SUPT3H: variants seen among roughly 807,000 people sequenced by gnomAD.
SUPT3H encodes transcription initiation protein SPT3 homolog.
SUPT3H carries 44 observed loss-of-function variants against 44.3 expected under a neutral mutation model. That is an observed-to-expected ratio of 0.99 (90% CI 0.78 to 1.28). SUPT3H has a LOEUF of 1.28. Ranked by LOEUF, SUPT3H falls within the 50% of genes most tolerant of loss-of-function variation. The pLI, the probability that SUPT3H is intolerant of heterozygous loss-of-function variation, is 0.00. For missense variants in SUPT3H, 380 were observed against 387.1 expected, an observed-to-expected ratio of 0.98 and a Z score of 0.15; for synonymous variants, 124 against 125.6, an observed-to-expected ratio of 0.99 and a Z score of 0.09.
At chr6:45,288,030 T>C (rs570516773) in intron 2 of SUPT3H, among the ~76,000 whole-genome samples, 1 of 152,218 alleles carries the variant, frequency 6.6e-6, no homozygotes, top group Non-Finnish European at 1.5e-5. Context: ...CAGCCATTCA[T>C]GTATTTTATG....
At position 45,003,451 on chromosome 6, in the gene SUPT3H, G is replaced by T. The variant is rs146993274; in HGVS notation, c.504+202C>A. On this transcript the variant is annotated intron_variant, in intron 6 of 10. Coordinates refer to ENST00000371459, the MANE Select transcript of SUPT3H (RefSeq NM_003599.4). ...ACGGGAAATAAGGAAACAGAAAACA[G>T]AAGTTGTTTCCCAAAGTTGATGCTG... Among the ~76,000 whole-genome samples the T allele has an allele frequency of 5.3e-5, 8 of 152,240 alleles. No individual in the cohort carries two copies. In the East Asian group the frequency reaches 1.5e-3, roughly 29 times the overall value.
At chr6:45,040,786 G>A (rs1788412817) in intron 3 of SUPT3H, among the ~76,000 whole-genome samples, 1 of 152,096 alleles carries the variant, frequency 6.6e-6, no homozygotes, top group Non-Finnish European at 1.5e-5. Context: ...CGGAAATTCA[G>A]ACAACAAACC....
chr6:44,960,965 T>C (rs1366031505), intron 7 of SUPT3H, among the ~76,000 whole-genome samples: 1 of 152,208 alleles, frequency 6.6e-6, no homozygotes, highest in East Asian at 1.9e-4. Context: ...GACCACATAA[T>C]AGCTTTCCAT....
At chr6:44,988,295 C>T (rs1373093178) in intron 6 of SUPT3H, among the ~76,000 whole-genome samples, 3 of 151,880 alleles carry the variant, frequency 2.0e-5, no homozygotes, top group East Asian at 3.9e-4. Context: ...AAAGCCACTA[C>T]ATATCAATGT....
chr6:45,286,022 C>T (rs1253421492), intron 2 of SUPT3H, among the ~76,000 whole-genome samples: 1 of 138,580 alleles, frequency 7.2e-6, no homozygotes. Flanking sequence ...ATAAATGGTG[C>T]TGGGAAAACT....
chr6:44,955,865 A>C (rs1324230820), intron 7 of SUPT3H, among the ~76,000 whole-genome samples: 2 of 152,186 alleles, frequency 1.3e-5, no homozygotes, highest in Admixed American at 6.5e-5. Flanking sequence ...TCACGCCTGT[A>C]ATCCCAGCAC....
At chr6:45,340,881 A>G (rs980415964) in intron 2 of SUPT3H, among the ~76,000 whole-genome samples, 2 of 152,064 alleles carry the variant, frequency 1.3e-5, no homozygotes, top group South Asian at 2.1e-4. Context: ...CCTACTTCCT[A>G]TATTTATCTG....
At chr6:45,211,822 CTGGCG>C (rs1764136508) in intron 2 of SUPT3H, among the ~76,000 whole-genome samples, 1 of 151,282 alleles carries the variant, frequency 6.6e-6, no homozygotes. Flanking sequence ...GCACTCCAGC[CTGGCG>C]ACACAGCAAG....
At chr6:45,061,436 C>T (rs1286487504) in intron 3 of SUPT3H, among the ~76,000 whole-genome samples, 3 of 151,916 alleles carry the variant, frequency 2.0e-5, no homozygotes, top group Admixed American at 6.6e-5. Context: ...ACACATGGGG[C>T]CTTTTAGAGG....
chr6:45,277,231 T>A (rs144122021), intron 2 of SUPT3H, among the ~76,000 whole-genome samples: 31 of 152,342 alleles, frequency 2.0e-4, no homozygotes, highest in African/African-American at 7.5e-4. Flanking sequence ...TACTTTTCTC[T>A]ATTAGAAGTG....
chr6:45,335,876 T>C (rs942490360), intron 2 of SUPT3H, among the ~76,000 whole-genome samples: 1 of 151,268 alleles, frequency 6.6e-6, no homozygotes, highest in Non-Finnish European at 1.5e-5. Flanking sequence ...ATTCAGCTTT[T>C]GACAAAATGC....
chr6:45,318,995 T>TA (rs1192236255), intron 2 of SUPT3H, among the ~76,000 whole-genome samples: 9 of 152,128 alleles, frequency 5.9e-5, no homozygotes, highest in Non-Finnish European at 1.0e-4. Context: ...CAGTCTTTCA[T>TA]AAAAAAGTAT....
intron 6 of SUPT3H, among the ~76,000 whole-genome samples, chr6:44,964,806 G>A (rs1287975072): frequency 6.6e-6 from 1 of 152,102 alleles, no homozygotes. Flanking sequence ...TGACTCAACA[G>A]CAAAGACTTA....
At position 44,967,317 on chromosome 6, in the gene SUPT3H, G is replaced by C. The variant is rs117356070; in HGVS notation, c.505-5489C>G. Among the ~76,000 whole-genome samples, 289 of 152,296 alleles carry C rather than the reference G, an allele frequency of 1.9e-3. 11 individuals carry two copies. In the East Asian group the frequency reaches 0.052, roughly 27 times the overall value. The stretch of plus-strand genomic sequence containing the variant: ...TTGTTATTGTAAAACATACAGAGAA[G>C]GCAGACTTTTATGCTAGATGAACTC... On this transcript the variant is annotated intron_variant, in intron 6 of 10. Coordinates refer to ENST00000371459, the MANE Select transcript of SUPT3H (RefSeq NM_003599.4).
intron 6 of SUPT3H, among the ~76,000 whole-genome samples, chr6:44,996,279 A>G (rs1010818583): frequency 1.3e-5 from 2 of 151,994 alleles, no homozygotes; most frequent in East Asian, 3.9e-4. Context: ...AATACCAGTA[A>G]GTAGATACTT....
At chr6:45,293,624 T>C (rs1335766751) in intron 2 of SUPT3H, among the ~76,000 whole-genome samples, 1 of 151,990 alleles carries the variant, frequency 6.6e-6, no homozygotes, top group Non-Finnish European at 1.5e-5. Flanking sequence ...AGAAAATCGA[T>C]ATAAGCTCAG....
intron 2 of SUPT3H, among the ~76,000 whole-genome samples, chr6:45,296,185 T>TACACACAC (rs201077641): frequency 0.043 from 6,059 of 140,468 alleles, 402 homozygotes; most frequent in African/African-American, 0.15. Flanking sequence ...ATACACATAC[T>TACACACAC]ACACACACAC....
intron 10 of SUPT3H, among the ~76,000 whole-genome samples, chr6:44,870,414 C>A (rs933267138): frequency 6.6e-6 from 1 of 151,808 alleles, no homozygotes; most frequent in Non-Finnish European, 1.5e-5. Context: ...CTGGGCAACA[C>A]GGTGAAACTC....
chr6:45,162,668 CTA>C (rs1175033115), intron 2 of SUPT3H, among the ~76,000 whole-genome samples: 1 of 152,146 alleles, frequency 6.6e-6, no homozygotes, highest in African/African-American at 2.4e-5. Context: ...GTTTACAACG[CTA>C]TGAGATGTCT....
Sources: allele counts gnomAD v4.1 joint callset (sites outside exome capture counted in the v4.1 genomes callset), GRCh38; gene constraint gnomAD v4.1.1; transcripts MANE v1.5; gene names NCBI Gene and HGNC (gene_info 2026-07-23, HGNC 2026-07-21).